The following MATCAP2 variants were observed in gnomAD, a reference collection of about 807,000 sequenced individuals.
MATCAP2 encodes the protein putative tyrosine carboxypeptidase MATCAP2.
At chr7:36,377,639 T>A in the MATCAP2 span, among the ~76,000 whole-genome samples, 25 of 152,330 alleles carry the variant, frequency 1.6e-4, no homozygotes, top group African/African-American at 4.8e-4. Flanking sequence ...TGAACTTGAA[T>A]GTTGGCCTGC....
At chr7:36,363,182 A>T in the MATCAP2 span, among the ~76,000 whole-genome samples, 1 of 152,252 alleles carries the variant, frequency 6.6e-6, no homozygotes, top group African/African-American at 2.4e-5. Context: ...CTGCTGCTGT[A>T]GGACAAACAG....
the MATCAP2 span, among the ~76,000 whole-genome samples, chr7:36,352,467 G>A: frequency 6.9e-6 from 1 of 145,084 alleles, no homozygotes; most frequent in African/African-American, 2.5e-5. Context: ...CAACTATACT[G>A]TTTCACTCAT....
At chr7:36,379,663 A>G in the MATCAP2 span, among the ~76,000 whole-genome samples, 5 of 152,030 alleles carry the variant, frequency 3.3e-5, no homozygotes, top group Non-Finnish European at 5.9e-5. Context: ...GTTCTGAAAA[A>G]AATGTGTCAC....
chr7:36,366,156 C>T, the MATCAP2 span, among the ~76,000 whole-genome samples: 1 of 152,136 alleles, frequency 6.6e-6, no homozygotes, highest in Non-Finnish European at 1.5e-5. Context: ...CTCCGTTGTT[C>T]TTCGTCATAA....
the MATCAP2 span, chr7:36,334,266 G>A: frequency 6.3e-6 from 6 of 958,302 alleles, no homozygotes; most frequent in Non-Finnish European, 7.8e-6. Context: ...GCCAGGCGCG[G>A]TGGCTCATGC....
chr7:36,339,992 A>G, the MATCAP2 span, among the ~76,000 whole-genome samples: 1 of 152,090 alleles, frequency 6.6e-6, no homozygotes, highest in Non-Finnish European at 1.5e-5. Context: ...CCTCCTGAGT[A>G]GCTGGGATTA....
At chr7:36,382,190 C>T in the MATCAP2 span, among the ~76,000 whole-genome samples, 1 of 150,306 alleles carries the variant, frequency 6.7e-6, no homozygotes, top group Non-Finnish European at 1.5e-5. Context: ...GCCTGTGATC[C>T]CAGCTACTCG....
the MATCAP2 span, chr7:36,390,044 G>C: frequency 6.2e-7 from 1 of 1,613,940 alleles, no homozygotes; most frequent in Non-Finnish European, 8.5e-7. Flanking sequence ...CGTTTACGGA[G>C]GTGAGTGAGT....
At chr7:36,357,776 T>C in the MATCAP2 span, among the ~76,000 whole-genome samples, 1 of 152,234 alleles carries the variant, frequency 6.6e-6, no homozygotes, top group African/African-American at 2.4e-5. Flanking sequence ...CTACTGTCAT[T>C]TCTCTTCTCT....
At chr7:36,372,859 C>A in the MATCAP2 span, among the ~76,000 whole-genome samples, 2 of 152,196 alleles carry the variant, frequency 1.3e-5, no homozygotes, top group Admixed American at 6.5e-5. Context: ...AATCCCAACA[C>A]TTTGGGAGGC....
chr7:36,379,799 AAC>A, the MATCAP2 span, among the ~76,000 whole-genome samples: 1 of 147,700 alleles, frequency 6.8e-6, no homozygotes, highest in African/African-American at 2.5e-5. Flanking sequence ...AGGTAATTGT[AAC>A]ACAATGGTAA....
chr7:36,386,179 T>A, the MATCAP2 span, among the ~76,000 whole-genome samples: 1 of 151,320 alleles, frequency 6.6e-6, no homozygotes, highest in East Asian at 1.9e-4. Context: ...GAAAAGTTGA[T>A]ATATGATAAA....
At chr7:36,349,669 G>A in the MATCAP2 span, among the ~76,000 whole-genome samples, 1 of 152,202 alleles carries the variant, frequency 6.6e-6, no homozygotes, top group Non-Finnish European at 1.5e-5. Flanking sequence ...ATTTATAAAT[G>A]CCTAAATACC....
At chr7:36,366,569 A>G in the MATCAP2 span, 1 of 1,042,596 alleles carries the variant, frequency 9.6e-7, no homozygotes, top group Non-Finnish European at 1.4e-6. Flanking sequence ...AACATTCTAG[A>G]AAATTATGAA....
the MATCAP2 span, chr7:36,325,284 A>G: frequency 6.6e-6 from 1 of 152,260 alleles, no homozygotes; most frequent in African/African-American, 2.4e-5. Context: ...TCAATGCTCC[A>G]AAGTGTCTGG....
chr7:36,353,723 C>T, the MATCAP2 span, among the ~76,000 whole-genome samples: 32 of 152,176 alleles, frequency 2.1e-4, no homozygotes, highest in African/African-American at 5.3e-4. Context: ...TCAAGTGATC[C>T]GCCTGCCTCG....
the MATCAP2 span, among the ~76,000 whole-genome samples, chr7:36,388,328 G>T: frequency 1.1e-4 from 17 of 150,182 alleles, no homozygotes; most frequent in African/African-American, 4.2e-4. Context: ...TGGGTTAACC[G>T]ATTTGGCTAA....
At chr7:36,351,941 TAAAAAAAA>T in the MATCAP2 span, among the ~76,000 whole-genome samples, 7 of 115,300 alleles carry the variant, frequency 6.1e-5, no homozygotes, top group African/African-American at 1.7e-4. Flanking sequence ...GGGAGATTGT[TAAAAAAAA>T]AAAAAAAAAA....
At chr7:36,354,681 A>C in the MATCAP2 span, among the ~76,000 whole-genome samples, 1 of 152,212 alleles carries the variant, frequency 6.6e-6, no homozygotes, top group Non-Finnish European at 1.5e-5. Flanking sequence ...ATTTTCCCAG[A>C]GGTCTTGTAC....
Sources: gnomAD v4.1 joint callset for allele counts (sites outside exome capture counted in the v4.1 genomes callset) on GRCh38, gnomAD v4.1.1 for gene constraint, MANE v1.5 for transcripts, NCBI Gene and HGNC (gene_info 2026-07-23, HGNC 2026-07-21) for gene names.